Variants in WWTR1 observed in about 807,000 individuals in gnomAD.
The protein encoded by WWTR1 is WW domain containing transcription regulator 1.
A neutral mutation model predicts 40.1 loss-of-function variants in WWTR1; 13 were observed. The ratio of observed to expected loss-of-function variants is 0.32; its 90% confidence interval spans 0.21 to 0.52. The LOEUF (loss-of-function observed/expected upper bound fraction) is 0.52. Among genes scored for constraint, WWTR1 ranks in the 20% least tolerant of loss-of-function variants. WWTR1 has a pLI of 0.97. For missense variants in WWTR1, 436 were observed against 523.1 expected, an observed-to-expected ratio of 0.83 and a Z score of 1.63; for synonymous variants, 230 against 210.1, an observed-to-expected ratio of 1.09 and a Z score of -0.82.
intron 3 of WWTR1, among the ~76,000 whole-genome samples, chr3:149,560,672 C>A (rs1010224706): frequency 2.0e-5 from 3 of 152,002 alleles, no homozygotes; most frequent in South Asian, 2.1e-4. Context: ...TTCTTTCCAG[C>A]GCTGCAAATA....
intron 2 of WWTR1, among the ~76,000 whole-genome samples, chr3:149,648,534 G>A (rs536894037): frequency 3.9e-5 from 6 of 152,270 alleles, no homozygotes; most frequent in African/African-American, 1.4e-4. Context: ...ATCCAGAGTG[G>A]GAGCTGCAAG....
intron 1 of WWTR1, among the ~76,000 whole-genome samples, chr3:149,682,484 T>C (rs1277709160): frequency 6.6e-6 from 1 of 152,204 alleles, no homozygotes; most frequent in African/African-American, 2.4e-5. Flanking sequence ...TTTGGTGAAG[T>C]TGGAGTTGGT....
chr3:149,517,448 T>A lies in WWTR1; in HGVS notation c.*3357A>T, dbSNP rs1357272933. 4.6e-5 allele frequency: 7 copies of A among 152,222 alleles called. No individual in the cohort carries two copies. The highest frequency in any genetic ancestry group is 1.7e-4 in the African/African-American group (7 of 41,464). The allele number at this position is 152,222 out of a possible 1,614,324, so 9.4% of individuals were successfully genotyped here. On this transcript the variant is annotated 3_prime_UTR_variant, in exon 7 of 7. Transcript: ENST00000360632. ...CTAGCACATATATGTGTTAGGAAAA[T>A]GGTCTCTGTCAATTGCCCATTTTCC...
chr3:149,527,698 TC>T (rs1349217563), intron 5 of WWTR1, 137 bp downstream of exon 5: 2 of 1,249,060 alleles, frequency 1.6e-6, no homozygotes, highest in African/African-American at 3.0e-5. Flanking sequence ...TTCTGCCAGC[TC>T]CTCCCACTTC....
chr3:149,722,217 ATTC>A (rs1250959458), intron 4 of WWTR1, among the ~76,000 whole-genome samples: 3 of 151,158 alleles, frequency 2.0e-5, no homozygotes, highest in African/African-American at 4.9e-5. Flanking sequence ...ATTTTCCTCT[ATTC>A]TTCTTCTATT....
At chr3:149,588,934 G>C (rs924431853) in intron 2 of WWTR1, among the ~76,000 whole-genome samples, 1 of 152,164 alleles carries the variant, frequency 6.6e-6, no homozygotes, top group African/African-American at 2.4e-5. Context: ...CTCTGAACTA[G>C]AGAGAGGCAC....
At chr3:149,644,659 C>T (rs1395173180) in intron 2 of WWTR1, among the ~76,000 whole-genome samples, 2 of 152,164 alleles carry the variant, frequency 1.3e-5, no homozygotes, top group Non-Finnish European at 2.9e-5. Context: ...ACAGAGACTT[C>T]CCACAATGCA....
chr3:149,723,115 T>G (rs1053352897), intron 4 of WWTR1, among the ~76,000 whole-genome samples: 7 of 151,970 alleles, frequency 4.6e-5, no homozygotes, highest in African/African-American at 1.7e-4. Context: ...ATTGGATATT[T>G]GAATCTAATA....
At chr3:149,613,693 A>G (rs1739839535) in intron 2 of WWTR1, among the ~76,000 whole-genome samples, 1 of 152,070 alleles carries the variant, frequency 6.6e-6, no homozygotes, top group Non-Finnish European at 1.5e-5. Context: ...AACTACAGGC[A>G]CATACCACCA....
intron 2 of WWTR1, among the ~76,000 whole-genome samples, chr3:149,576,873 T>C (rs931186003): frequency 3.3e-5 from 5 of 151,810 alleles, no homozygotes; most frequent in African/African-American, 9.7e-5. Flanking sequence ...AAAAAGAAAA[T>C]TGATGCATGA....
intron 1 of WWTR1, among the ~76,000 whole-genome samples, chr3:149,687,494 C>T (rs78750380): frequency 0.021 from 3,235 of 152,238 alleles, 66 homozygotes; most frequent in South Asian, 0.092. Flanking sequence ...ACTTTTACAA[C>T]CAATTACAGT....
At chr3:149,542,748 C>T (rs147108366) in intron 3 of WWTR1, among the ~76,000 whole-genome samples, 2 of 152,280 alleles carry the variant, frequency 1.3e-5, no homozygotes, top group Non-Finnish European at 2.9e-5. Flanking sequence ...CATCTAGCCT[C>T]GGCTTTTGTT....
intron 2 of WWTR1, among the ~76,000 whole-genome samples, chr3:149,607,838 C>T (rs1739556878): frequency 6.6e-6 from 1 of 152,166 alleles, no homozygotes; most frequent in South Asian, 2.1e-4. Context: ...AAAAACATTA[C>T]TCAGAGATTT....
At chr3:149,537,145 C>T (rs1288325732) in intron 4 of WWTR1, among the ~76,000 whole-genome samples, 26 of 152,030 alleles carry the variant, frequency 1.7e-4, no homozygotes, top group Admixed American at 1.6e-3. Context: ...GCAAATATTG[C>T]GTTGAATTTT....
At chr3:149,684,305 G>A (rs1714558817) in intron 1 of WWTR1, among the ~76,000 whole-genome samples, 1 of 152,110 alleles carries the variant, frequency 6.6e-6, no homozygotes, top group Non-Finnish European at 1.5e-5. Context: ...ACAGGCGTCA[G>A]CCACCACGCC....
chr3:149,681,353 CT>C lies in WWTR1; in HGVS notation c.-107-11463del, dbSNP rs1156780678. ...CTCACTAACACCTCTTATCTTTTGT[CT>C]TTTTGGTAACAGTCATTTCAACAGG... On this transcript the variant is annotated intron_variant, in intron 1 of 7. Coordinates refer to the WWTR1 transcript ENST00000465804. Among the ~76,000 whole-genome samples the C allele has an allele frequency of 4.6e-5, 7 of 152,282 alleles. No homozygotes were observed. In the East Asian group the frequency reaches 1.3e-3, roughly 29 times the overall value.
chr3:149,587,795 T>C (rs185408215), intron 2 of WWTR1, among the ~76,000 whole-genome samples: 43 of 152,340 alleles, frequency 2.8e-4, no homozygotes, highest in East Asian at 2.1e-3. Context: ...CTTTATAGAA[T>C]GTATGATTTA....
chr3:149,671,831 A>G (rs1237528518), intron 1 of WWTR1, among the ~76,000 whole-genome samples: 1 of 152,168 alleles, frequency 6.6e-6, no homozygotes, highest in African/African-American at 2.4e-5. Flanking sequence ...ACTTCTCTGC[A>G]TTAAAAATGT....
intron 3 of WWTR1, among the ~76,000 whole-genome samples, chr3:149,555,760 C>T (rs765308960): frequency 2.8e-4 from 42 of 152,026 alleles, no homozygotes; most frequent in Non-Finnish European, 4.3e-4. Flanking sequence ...TATTCATTTC[C>T]CCTGTTTCTA....
Sources: gnomAD v4.1 joint callset for allele counts (sites outside exome capture counted in the v4.1 genomes callset) on GRCh38, gnomAD v4.1.1 for gene constraint, MANE v1.5 for transcripts, NCBI Gene and HGNC (gene_info 2026-07-23, HGNC 2026-07-21) for gene names.